FLG: variants seen among roughly 807,000 people sequenced by gnomAD.
FLG encodes the protein epidermal filaggrin.
A neutral mutation model predicts 3.8 loss-of-function variants in FLG; 6 were observed. The ratio of observed to expected loss-of-function variants is 1.60; its 90% CI spans 0.87 to 3.15. The LOEUF (loss-of-function observed/expected upper bound fraction) is 3.15, where lower values mean the gene tolerates loss of function less well. Among genes scored for constraint, FLG ranks in the 30% most tolerant of loss-of-function variants. The pLI, the probability that FLG is intolerant of heterozygous loss-of-function variation, is 0.00. For synonymous variants in FLG, 2,551 were observed against 1,931.6 expected, an observed-to-expected ratio of 1.32 and a Z score of -8.41; for missense variants, 7,595 against 5,050.9, an observed-to-expected ratio of 1.50 and a Z score of -15.27.
chr1:152,311,522 T>C lies in FLG; in HGVS notation c.3364A>G (p.Ser1122Gly), dbSNP rs752039324. The change falls in exon 3 of 3, where the codon AGC (serine) becomes GGC (glycine). Residue 1122 changes from serine to glycine, a missense_variant. By Grantham distance (56) the Ser-to-Gly change is moderately conservative. Coordinates refer to ENST00000368799, the MANE Select transcript of FLG (RefSeq NM_002016.2). ...GCAGACTCAGACTGTTCATGAGTGC[T>C]CACCTGGTAGATGAAAGACCCTGAA... Reference protein sequence around the residue: ...GRSGSFIYQVSTHEQSESAHG... With the variant: ...GRSGSFIYQVGTHEQSESAHG... 2 of 1,613,778 alleles carry C rather than the reference T, an allele frequency of 1.2e-6. No homozygotes were observed. Among genetic ancestry groups the C allele is most frequent in the African/African-American group, 1.3e-5 (1 of 74,836 alleles).
At position 152,303,332 on chromosome 1, in the gene FLG, C is replaced by T. The variant is rs867113991; in HGVS notation, c.11554G>A (p.Gly3852Arg). 56 of 1,614,008 alleles carry T rather than the reference C, an allele frequency of 3.5e-5. No individual in the cohort carries two copies. The highest frequency in any genetic ancestry group is 4.3e-5 in the Non-Finnish European group (51 of 1,180,016). The change falls in exon 3 of 3, where the codon GGG (glycine) becomes AGG (arginine). Residue 3852 changes from glycine (G) to arginine (R), a missense_variant. By Grantham distance (125) the Gly-to-Arg change is moderately radical. Transcript: ENST00000368799. The part of the protein sequence containing the change: ...HSQSGQGESA[G>R]SRRSRRQGSS... ...CCCTGGCGCCTGCTTCTCCTGGACC[C>T]CGCTGATTCACCCTGGCCGGACTGT...
Position 152,304,541 on chromosome 1 carries a change from G to T in FLG, c.10345C>A (p.His3449Asn), listed in dbSNP as rs777370285. Reference protein sequence around the residue: ...GSSRRGRQGSHYEQSVDRSGH... With the variant: ...GSSRRGRQGSNYEQSVDRSGH... ...GACCTATCTACCGATTGCTCGTAGTGGGATCCCTGCCTTCCTCTTCTGCTT... is the reference window on the plus strand; with the variant it reads ...GACCTATCTACCGATTGCTCGTAGTTGGATCCCTGCCTTCCTCTTCTGCTT... The change falls in exon 3 of 3, where the codon CAC (histidine) becomes AAC (asparagine). Residue 3449 changes from histidine (H) to asparagine (N), a missense_variant. Physicochemically the swap from His to Asn is moderately conservative, Grantham distance 68. Coordinates refer to ENST00000368799, the MANE Select transcript of FLG (RefSeq NM_002016.2). 5 of 1,611,608 alleles carry T rather than the reference G, an allele frequency of 3.1e-6. No homozygotes were observed. The African/African-American group carries it at 6.7e-5, about 22-fold the overall frequency.
chr1:152,324,490 A>T (rs1345259689), intron 1 of FLG, among the ~76,000 whole-genome samples: 1 of 151,810 alleles, frequency 6.6e-6, no homozygotes. Flanking sequence ...TTTGTGTTTA[A>T]GATCTCAACT....
In FLG at chr1:152,303,131, G is replaced by C; in HGVS notation, c.11755C>G (p.Gln3919Glu). The change falls in exon 3 of 3, where the codon CAG becomes GAG. Residue 3919 changes from glutamine to glutamate, a missense_variant. Physicochemically the swap from Gln to Glu is conservative, Grantham distance 29. Coordinates refer to ENST00000368799, the MANE Select transcript of FLG (RefSeq NM_002016.2). ...TCCTTAGCGGTACTAGAGTCTGACT[G>C]TACAGGTGAAGACTGTACATGACTG... ...TASHVQSSPV[Q>E]SDSSTAKEHG... 5.0e-6 allele frequency: 8 copies of C among 1,614,216 alleles called. No homozygotes were observed. The highest frequency in any genetic ancestry group is 5.9e-6 in the Non-Finnish European group (7 of 1,180,034).
Position 152,307,499 on chromosome 1 carries a change from G to T in FLG, c.7387C>A (p.His2463Asn). Residue 2463 changes from histidine to asparagine, a missense_variant, in exon 3 of 3, where the codon CAT becomes AAT. By Grantham distance (68) the His-to-Asn change is moderately conservative. Transcript: ENST00000368799. ...CCACTGCTTGACCCCGGGTGTCCAT[G>T]AATGGTGTCCTGACCCTCTTGGGAC... is the stretch of plus-strand genomic sequence containing the variant. ...STSQEGQDTI[H>N]GHPGSSSGGR... 2 of 1,613,486 alleles carry T rather than the reference G, an allele frequency of 1.2e-6. No individual in the cohort carries two copies. The highest frequency in any genetic ancestry group is 8.5e-7 in the Non-Finnish European group (1 of 1,179,798).
rs759349498 is a variant in FLG, at chr1:152,305,646, C to A, written c.9240G>T (p.Gly3080=). The A allele has an allele frequency of 4.8e-6, 7 of 1,444,252 alleles. No individual in the cohort carries two copies. Among genetic ancestry groups the A allele is most frequent in the Non-Finnish European group, 6.4e-6 (7 of 1,086,824 alleles). 89.5% of individuals were successfully genotyped at this position (1,444,252 alleles called of 1,614,324 possible). A position where few individuals can be genotyped will look rare whatever the true frequency, so the allele number is the denominator to read the frequency against. Residue 3080 remains glycine, a synonymous_variant, in exon 3 of 3, where the codon GGG becomes GGT. Transcript: ENST00000368799. ...ATCCTTGTCTTCCTCTAGTGCTGGGCCCCGTCCATCCATGGGAGGACTCAG... is the reference window on the plus strand; with the variant it reads ...ATCCTTGTCTTCCTCTAGTGCTGGGACCCGTCCATCCATGGGAGGACTCAG... ...EQSESSHGWT[G]PSTRGRQGSR... is the part of the protein sequence containing the mutation.
In FLG at chr1:152,307,603, TG is replaced by T; in HGVS notation, c.7282del (p.His2428MetfsTer55). Reference protein sequence around the residue: ...VSTHEQSESAHGRTGTSTGGR... With the variant: ...VSTHEQSESAXGRTGTSTGGR... ...TCCAGTGCTGGTCCCGGTCCGTCCA[TG>T]GGCGGACTCAGACTGTTCATGAGTG... On this transcript the variant is annotated frameshift_variant, in exon 3 of 3. Coordinates refer to ENST00000368799, the MANE Select transcript of FLG (RefSeq NM_002016.2). LOFTEE classifies it low-confidence loss of function (END_TRUNC). 2.5e-6 allele frequency: 4 copies of T among 1,613,778 alleles called. No individual in the cohort carries two copies. The highest frequency in any genetic ancestry group is 2.5e-6 in the Non-Finnish European group (3 of 1,179,942).
Position 152,314,329 on chromosome 1 carries a change from T to A in FLG, c.557A>T (p.Asn186Ile). The change falls in exon 3 of 3, where the codon AAC becomes ATC. Residue 186 changes from asparagine to isoleucine, a missense_variant. By Grantham distance (149) the Asn-to-Ile change is moderately radical. Transcript: ENST00000368799. Reference protein sequence around the residue: ...NHHNSSKKEKNKTENTRLGDN... With the variant: ...NHHNSSKKEKIKTENTRLGDN... ...TCCTAATCTAGTATTTTCAGTCTTG[T>A]TTTTCTCTTTTTTACTTGAGTTATG... 1 of 1,613,160 alleles carries A rather than the reference T, an allele frequency of 6.2e-7. No homozygotes were observed. The highest frequency in any genetic ancestry group is 8.5e-7 in the Non-Finnish European group (1 of 1,179,760).
At position 152,309,906 on chromosome 1, in the gene FLG, A is replaced by C. The variant is rs767453412; in HGVS notation, c.4980T>G (p.Thr1660=). The C allele has an allele frequency of 5.0e-6, 8 of 1,614,056 alleles. No individual in the cohort carries two copies. The highest frequency in any genetic ancestry group is 6.8e-6 in the Non-Finnish European group (8 of 1,180,022). The change falls in exon 3 of 3, where the codon ACT becomes ACG. Residue 1660 remains threonine, a synonymous_variant. Transcript: ENST00000368799. ...ATGATGCAGCCTGTCCACCAGAGGAAGTCTCTGCATGACGAGTGCCTGATT... is the reference window on the plus strand; with the variant it reads ...ATGATGCAGCCTGTCCACCAGAGGACGTCTCTGCATGACGAGTGCCTGATT... ...SRQSGTRHAE[T]SSGGQAASSQ...
At chr1:152,321,611 C>A (rs1652980393) in intron 1 of FLG, among the ~76,000 whole-genome samples, 1 of 150,944 alleles carries the variant, frequency 6.6e-6, no homozygotes, top group Non-Finnish European at 1.5e-5. Flanking sequence ...CAAAACTGAA[C>A]CAACAATAAA....
At position 152,310,344 on chromosome 1, in the gene FLG, G is replaced by C. The variant is rs768713890; in HGVS notation, c.4542C>G (p.His1514Gln). 4 of 1,613,788 alleles carry C rather than the reference G, an allele frequency of 2.5e-6. No homozygotes were observed. The highest frequency in any genetic ancestry group is 3.4e-6 in the Non-Finnish European group (4 of 1,180,008). Residue 1514 changes from histidine to glutamine, a missense_variant, in exon 3 of 3, where the codon CAC becomes CAG. Transcript: ENST00000368799. ...TGGTGTGGCTGTGATGGTACCCTGA[G>C]TGTCCAGACCTATCTACTGATTGCT... ...YHEQSVDRSG[H>Q]SGYHHSHTTP...
In FLG at chr1:152,313,461, A is replaced by G. The variant is rs752476346; in HGVS notation, c.1425T>C (p.His475=). ...GTCCATGGGCAGAGTCAGGCTGTTCATGAGTGCTCACCTGGTAGAGGGAAG... is the reference window on the plus strand; with the variant it reads ...GTCCATGGGCAGAGTCAGGCTGTTCGTGAGTGCTCACCTGGTAGAGGGAAG... ...SGSSLYQVST[H]EQPDSAHGRT... Residue 475 remains histidine (H), a synonymous_variant, in exon 3 of 3, where the codon CAT becomes CAC. Coordinates refer to ENST00000368799, the MANE Select transcript of FLG (RefSeq NM_002016.2). 1.9e-6 allele frequency: 3 copies of G among 1,613,626 alleles called. No individual in the cohort carries two copies. The highest frequency in any genetic ancestry group is 2.5e-6 in the Non-Finnish European group (3 of 1,179,972).
Position 152,304,622 on chromosome 1 carries a change from A to C in FLG, c.10264T>G (p.Ser3422Ala). ...CCCTCTTGGGACGCTGAGTGCCTGG[A>C]GCTGTCTCGTGCCTGCTCGTGGTGG... is the stretch of plus-strand genomic sequence containing the variant. ...GSHHEQARDSSRHSASQEGQD... is the reference protein window; with the variant it reads ...GSHHEQARDSARHSASQEGQD... The change falls in exon 3 of 3, where the codon TCC becomes GCC. Residue 3422 changes from serine to alanine, a missense_variant. Physicochemically the swap from Ser to Ala is moderately conservative, Grantham distance 99. Transcript: ENST00000368799. 6.2e-7 allele frequency: 1 copy of C among 1,612,700 alleles called. No homozygotes were observed. The highest frequency in any genetic ancestry group is 8.5e-7 in the Non-Finnish European group (1 of 1,179,654).
rs149757536 is a variant in FLG at position 152,311,053 on chromosome 1, C to A, written c.3833G>T (p.Arg1278Ile). Reference protein sequence around the residue: ...SSVSQDSDSERHSDDSERLSG... With the variant: ...SSVSQDSDSEIHSDDSERLSG... Reference sequence around the variant, plus strand: ...CAACCTCTCGGAGTCGTCTGAGTGTCTCTCACTGTCACTGTCCTGGCTAAC... The same window carrying A: ...CAACCTCTCGGAGTCGTCTGAGTGTATCTCACTGTCACTGTCCTGGCTAAC... Residue 1278 changes from arginine to isoleucine, a missense_variant, in exon 3 of 3, where the codon AGA (arginine) becomes ATA (isoleucine). By Grantham distance (97) the Arg-to-Ile change is moderately conservative. Coordinates refer to ENST00000368799, the MANE Select transcript of FLG (RefSeq NM_002016.2). 2 of 1,613,994 alleles carry A rather than the reference C, an allele frequency of 1.2e-6. No homozygotes were observed. Among genetic ancestry groups the A allele is most frequent in the Non-Finnish European group, 1.7e-6 (2 of 1,179,998 alleles).
At chr1:152,317,883 A>G (rs929281038) in intron 1 of FLG, among the ~76,000 whole-genome samples, 1 of 151,970 alleles carries the variant, frequency 6.6e-6, no homozygotes, top group Non-Finnish European at 1.5e-5. Flanking sequence ...CTCATCAGTT[A>G]TTCCTGTCTT....
chr1:152,308,291 A>T lies in FLG; in HGVS notation c.6595T>A (p.Ser2199Thr), dbSNP rs778136607. The change falls in exon 3 of 3, where the codon TCA (serine) becomes ACA (threonine). Residue 2199 changes from serine to threonine, a missense_variant. Transcript: ENST00000368799. Reference sequence around the variant, plus strand: ...CCTGAGTGCCTAGAGCCATCTCCTGATTGTTCCTTGTCATATGTTTTTCTG... The same window carrying T: ...CCTGAGTGCCTAGAGCCATCTCCTGTTTGTTCCTTGTCATATGTTTTTCTG... ...ASRKTYDKEQ[S>T]GDGSRHSGSH... The T allele has an allele frequency of 3.7e-6, 6 of 1,613,256 alleles. No homozygotes were observed. The highest frequency in any genetic ancestry group is 1.7e-5 in the Admixed American group (1 of 59,932).
chr1:152,312,437 T>TC lies in FLG; in HGVS notation c.2448_2449insG (p.Arg817GlufsTer7). ...GCCTGCTCATGGTGGGATCCTTGTC[T>TC]TACTCCAGTGCTGGGCCCTGTCCAT... On this transcript the variant is annotated frameshift_variant, in exon 3 of 3. Coordinates refer to ENST00000368799, the MANE Select transcript of FLG (RefSeq NM_002016.2). LOFTEE classifies it low-confidence loss of function (END_TRUNC). The TC allele has an allele frequency of 6.2e-7, 1 of 1,613,584 alleles. No individual in the cohort carries two copies. The highest frequency in any genetic ancestry group is 1.1e-5 in the South Asian group (1 of 91,012).
intron 1 of FLG, among the ~76,000 whole-genome samples, chr1:152,315,942 G>A (rs1652775521): frequency 6.6e-6 from 1 of 152,138 alleles, no homozygotes; most frequent in Non-Finnish European, 1.5e-5. Context: ...CTCAATGAAA[G>A]TTCATTCAAT....
Position 152,314,092 on chromosome 1 carries a change from C to T in FLG, c.794G>A (p.Gly265Asp), listed in dbSNP as rs1652668871. The T allele has an allele frequency of 1.9e-6, 3 of 1,614,122 alleles. No individual in the cohort carries two copies. The highest frequency in any genetic ancestry group is 2.5e-6 in the Non-Finnish European group (3 of 1,179,968). The change falls in exon 3 of 3, where the codon GGC becomes GAC. Residue 265 changes from glycine (G) to aspartate (D), a missense_variant. Transcript: ENST00000368799. Reference sequence around the variant, plus strand: ...CCTGTTCACTTGAGATGATGATTTGCCATCAGATGACCTTGATCTTTCATA... The same window carrying T: ...CCTGTTCACTTGAGATGATGATTTGTCATCAGATGACCTTGATCTTTCATA... Reference protein sequence around the residue: ...KIYERSRSSDGKSSSQVNRSR... With the variant: ...KIYERSRSSDDKSSSQVNRSR...
Sources: gnomAD v4.1 joint callset for allele counts (sites outside exome capture counted in the v4.1 genomes callset) on GRCh38, gnomAD v4.1.1 for gene constraint, MANE v1.5 for transcripts, NCBI Gene and HGNC (gene_info 2026-07-23, HGNC 2026-07-21) for gene names.